WNK3: variants seen among roughly 807,000 people sequenced by gnomAD.
The protein encoded by WNK3 is WNK lysine deficient protein kinase 3.
Under a neutral mutation model 116.7 loss-of-function variants are expected in WNK3, and 18 were observed. That is an observed-to-expected ratio of 0.15 (90% CI 0.11 to 0.23). The LOEUF (loss-of-function observed/expected upper bound fraction) is 0.23, where lower values mean the gene tolerates loss of function less well. Among genes scored for constraint, WNK3 ranks in the 10% least tolerant of loss-of-function variants. The probability of loss-of-function intolerance (pLI) is 1.00; values close to 1 mark genes in which losing one functional copy is unlikely to be tolerated. For missense variants in WNK3, 993 were observed against 1,323.8 expected (o/e 0.75, Z 3.88); for synonymous variants, 404 against 469.4 (o/e 0.86, Z 1.80).
chrX:54,238,539 T>C, intron 18 of WNK3, 67 bp from the exon 19 acceptor site: 1 of 1,069,279 alleles, frequency 9.4e-7, no homozygotes, highest in Non-Finnish European at 1.3e-6. Flanking sequence ...TTTGTTTACA[T>C]TACCAAAAAT....
chrX:54,223,048 G>A (rs1435889987), intron 22 of WNK3, among the ~76,000 whole-genome samples: 3 of 105,904 alleles, frequency 2.8e-5, no homozygotes, highest in African/African-American at 1.0e-4. Context: ...GAAAAAAATC[G>A]AAGATATATA....
intron 2 of WNK3, among the ~76,000 whole-genome samples, chrX:54,327,319 C>T (rs1557173672): frequency 9.0e-6 from 1 of 111,175 alleles, no homozygotes; most frequent in African/African-American, 3.3e-5. Context: ...CATGGTGGCT[C>T]ATGTCTGTAA....
chrX:54,218,776 T>TG (rs1193004574), intron 22 of WNK3, among the ~76,000 whole-genome samples: 3 of 109,359 alleles, frequency 2.7e-5, no homozygotes, highest in African/African-American at 1.0e-4. Context: ...CCCAGCTACC[T>TG]GGGGGGCTGA....
At chrX:54,235,019 A>G (rs782790514) in intron 20 of WNK3, among the ~76,000 whole-genome samples, 2 of 112,023 alleles carry the variant, frequency 1.8e-5, no homozygotes, top group South Asian at 3.7e-4. Context: ...TTAAAGTGGA[A>G]TATCAGCCTT....
At chrX:54,213,187 T>C (rs1215048909) in intron 22 of WNK3, among the ~76,000 whole-genome samples, 2 of 109,369 alleles carry the variant, frequency 1.8e-5, no homozygotes, top group African/African-American at 6.7e-5. Flanking sequence ...GGTGTCACTA[T>C]GTTGCCAGGG....
At chrX:54,348,118 G>GTA (rs1397555138) in intron 1 of WNK3, among the ~76,000 whole-genome samples, 3 of 97,748 alleles carry the variant, frequency 3.1e-5, no homozygotes, top group East Asian at 5.7e-4. Flanking sequence ...AGATTTCATT[G>GTA]TATATATGTG....
chrX:54,211,318 T>C (rs782091783), intron 22 of WNK3, among the ~76,000 whole-genome samples: 20 of 108,868 alleles, frequency 1.8e-4, no homozygotes, highest in African/African-American at 5.4e-4. Context: ...GATGCGTGCC[T>C]GTAATCCAAG....
chrX:54,209,545 C>CTT (rs781825501), intron 22 of WNK3, among the ~76,000 whole-genome samples: 33 of 78,423 alleles, frequency 4.2e-4, no homozygotes, highest in African/African-American at 5.6e-4. Flanking sequence ...TTAAGCAGTG[C>CTT]TTTTTTTTTT....
intron 5 of WNK3, among the ~76,000 whole-genome samples, chrX:54,305,199 T>C (rs1253724946): frequency 9.0e-6 from 1 of 110,717 alleles, no homozygotes; most frequent in Non-Finnish European, 1.9e-5. Flanking sequence ...AAGCAATAAA[T>C]ACTGAAAACA....
rs182087277 is a variant in WNK3, at chrX:54,287,818, A to G, written c.2037+5070T>C. ...AGTGCTGTATCTATTATAGTTCACT[A>G]TCATCCTGACCCTTAAACATCACAG... is the stretch of plus-strand genomic sequence containing the variant. On this transcript the variant is annotated intron_variant, in intron 10 of 23. Coordinates refer to ENST00000354646, the Ensembl canonical transcript of WNK3. Among the ~76,000 whole-genome samples, 153 of 112,094 alleles carry G rather than the reference A, an allele frequency of 1.4e-3. 1 individual carries two copies. The highest frequency in any genetic ancestry group is 4.8e-3 in the African/African-American group (148 of 30,928).
chrX:54,298,338 C>T (rs781931476), exon 7 of WNK3: 1 of 1,211,452 alleles, frequency 8.3e-7, no homozygotes, highest in Non-Finnish European at 1.1e-6. Context: ...TAACTCCACC[C>T]TCAGTCCTGT....
At chrX:54,202,310 G>A (rs1333289586) in intron 22 of WNK3, 117 bp from the exon 23 acceptor site, 2 of 609,792 alleles carry the variant, frequency 3.3e-6, no homozygotes, top group Non-Finnish European at 5.0e-6. Context: ...TGCAATTAGG[G>A]TGAACACACA....
Position 54,234,820 on chromosome X carries a change from C to G in WNK3, c.4629-1800G>C, listed in dbSNP as rs1289796402. Among the ~76,000 whole-genome samples the G allele has an allele frequency of 2.9e-5, 3 of 102,944 alleles. No individual in the cohort carries two copies. The Admixed American group carries it at 3.3e-4, about 11-fold the overall frequency. The allele number at this position is 102,944 out of a possible 115,157, so 89.4% of individuals were successfully genotyped here. A position where few individuals can be genotyped will look rare whatever the true frequency, so the allele number is the denominator to read the frequency against. ...CAGCTGAGGCAACAGAGCCAGACTC[C>G]GTCTCAAAAAAAAAAAAAACCAAAA... On this transcript the variant is annotated intron_variant, in intron 20 of 23. Coordinates refer to ENST00000354646, the Ensembl canonical transcript of WNK3.
At chrX:54,305,576 C>T (rs1240800674) in intron 5 of WNK3, among the ~76,000 whole-genome samples, 19 of 111,120 alleles carry the variant, frequency 1.7e-4, no homozygotes, top group African/African-American at 6.2e-4. Context: ...ACAGAATGTC[C>T]CACATTCTGG....
chrX:54,254,019 C>T, exon 13 of WNK3: 2 of 1,210,071 alleles, frequency 1.7e-6, no homozygotes, highest in Non-Finnish European at 2.2e-6. Flanking sequence ...AGGTGACCAT[C>T]TTGTTGTTGT....
At chrX:54,309,364 T>A in intron 3 of WNK3, 49 bp from the exon 4 acceptor site, 1 of 933,711 alleles carries the variant, frequency 1.1e-6, no homozygotes, top group Non-Finnish European at 1.5e-6. Context: ...ATCCAACTTA[T>A]TATATGAACA....
rs189262462 is a variant in WNK3 at position 54,248,337 on chromosome X, C to G, written c.3651+360G>C. On this transcript the variant is annotated intron_variant, in intron 17 of 23. Transcript: ENST00000354646. ...AACATGATTAAATTAAAAACCATAA[C>G]TTTTTTTTTTAAAGAAGGAAACGGA... Among the ~76,000 whole-genome samples, 149 of 107,133 alleles carry G rather than the reference C, an allele frequency of 1.4e-3. 1 individual carries two copies. Among genetic ancestry groups the G allele is most frequent in the African/African-American group, 4.9e-3 (144 of 29,638 alleles). 93.0% of individuals were successfully genotyped at this position (107,133 alleles called of 115,157 possible).
intron 1 of WNK3, among the ~76,000 whole-genome samples, chrX:54,351,797 A>G (rs994466276): frequency 9.0e-6 from 1 of 111,290 alleles, no homozygotes; most frequent in Non-Finnish European, 1.9e-5. Flanking sequence ...CTGTAGTCCC[A>G]GCAACTCGGG....
intron 5 of WNK3, among the ~76,000 whole-genome samples, chrX:54,303,572 T>C (rs1379487445): frequency 1.8e-5 from 2 of 110,650 alleles, no homozygotes; most frequent in Non-Finnish European, 3.8e-5. Flanking sequence ...CGTAGACAAA[T>C]ATGATGAAAT....
Sources: gnomAD v4.1 joint callset for allele counts (sites outside exome capture counted in the v4.1 genomes callset) on GRCh38, gnomAD v4.1.1 for gene constraint, MANE v1.5 for transcripts, NCBI Gene and HGNC (gene_info 2026-07-23, HGNC 2026-07-21) for gene names.